Variants in PCSK6 observed in about 807,000 individuals in gnomAD.
PCSK6 encodes the protein paired basic amino acid cleaving enzyme 4.
PCSK6 carries 85 observed loss-of-function variants against 123.3 expected under a neutral mutation model. That is an observed-to-expected ratio of 0.69 (90% confidence interval 0.58 to 0.83). The LOEUF is 0.83. Among genes scored for constraint, PCSK6 ranks in the 40% least tolerant of loss-of-function variants. The pLI, the probability that PCSK6 is intolerant of heterozygous loss-of-function variation, is 0.00. For synonymous variants in PCSK6, 508 were observed against 516.0 expected (o/e 0.98, Z 0.21); for missense variants, 1,191 against 1,282.3 (o/e 0.93, Z 1.09).
At chr15:101,333,765 C>G (rs188717725) in intron 13 of PCSK6, among the ~76,000 whole-genome samples, 1 of 144,008 alleles carries the variant, frequency 6.9e-6, no homozygotes, top group Non-Finnish European at 1.5e-5. Context: ...TACCATAAGC[C>G]CATAGGCTGT....
chr15:101,467,412 C>G (rs11247294), intron 1 of PCSK6, among the ~76,000 whole-genome samples: 1 of 151,604 alleles, frequency 6.6e-6, no homozygotes, highest in Middle Eastern at 3.2e-3. Context: ...GCTGGGACTA[C>G]GAGTGCCCAC....
At chr15:101,384,459 A>T (rs2042002705) in intron 9 of PCSK6, 34 bp from the exon 10 acceptor site, 2 of 1,584,434 alleles carry the variant, frequency 1.3e-6, no homozygotes, top group African/African-American at 1.3e-5. Flanking sequence ...GAGTCCACAC[A>T]GCTCAACAAC....
intron 16 of PCSK6, among the ~76,000 whole-genome samples, chr15:101,325,546 G>T (rs558628210): frequency 6.6e-6 from 1 of 152,348 alleles, no homozygotes; most frequent in African/African-American, 2.4e-5. Context: ...GTGCACCAGT[G>T]GTTGGTGGGT....
rs1295051045 is a variant in PCSK6, at chr15:101,479,347, C to T, written c.297+10027G>A. Among the ~76,000 whole-genome samples, 9 of 152,316 alleles carry T rather than the reference C, an allele frequency of 5.9e-5. No homozygotes were observed. In the South Asian group the frequency reaches 1.2e-3, roughly 21 times the overall value. On this transcript the variant is annotated intron_variant, in intron 1 of 21. Coordinates refer to ENST00000611716, the MANE Select transcript of PCSK6 (RefSeq NM_002570.5). ...CAAAGGCCCGGACTTCATGAAGATG[C>T]GTGTGGTAAAAGTGAAGGGTTCTGG... is the stretch of plus-strand genomic sequence containing the variant.
At chr15:101,442,253 T>C (rs141579602) in intron 2 of PCSK6, among the ~76,000 whole-genome samples, 1 of 152,344 alleles carries the variant, frequency 6.6e-6, no homozygotes, top group East Asian at 1.9e-4. Flanking sequence ...TCCCTTGCTA[T>C]GAAGGAATAA....
rs1442169332 is a variant in PCSK6 at position 101,398,046 on chromosome 15, T to C, written c.996+358A>G. ...CTAAGGGCAGGTGGGCCGAGGCCCC[T>C]GCAGAGTCCAAGTAACAGGCCAGGT... On this transcript the variant is annotated intron_variant, in intron 7 of 21. Coordinates refer to ENST00000611716, the MANE Select transcript of PCSK6 (RefSeq NM_002570.5). This position sits in a 1 kb window ranked among gnomAD's most constrained non-coding sequence, Gnocchi z 4.6. Among the ~76,000 whole-genome samples the C allele has an allele frequency of 6.6e-6, 1 of 152,184 alleles. No homozygotes were observed. Among genetic ancestry groups the C allele is most frequent in the Non-Finnish European group, 1.5e-5 (1 of 68,018 alleles).
chr15:101,395,686 ACTT>A, intron 7 of PCSK6, among the ~76,000 whole-genome samples: 1 of 152,174 alleles, frequency 6.6e-6, no homozygotes, highest in Non-Finnish European at 1.5e-5. Flanking sequence ...ATGAACTTGC[ACTT>A]CTTTTCAGTA....
At chr15:101,385,655 A>G (rs1221893594) in intron 9 of PCSK6, among the ~76,000 whole-genome samples, 1 of 152,258 alleles carries the variant, frequency 6.6e-6, no homozygotes, top group Non-Finnish European at 1.5e-5. Context: ...CACAGAGAAT[A>G]GTATAAAATA....
Position 101,469,990 on chromosome 15 carries a change from C to A in PCSK6, c.297+19384G>T, listed in dbSNP as rs188993326. Reference sequence around the variant, plus strand: ...GATATCAATATGACTGGCAACAACACGCGCTGAGTGCTCACTTCGGGACTG... The same window carrying A: ...GATATCAATATGACTGGCAACAACAAGCGCTGAGTGCTCACTTCGGGACTG... On this transcript the variant is annotated intron_variant, in intron 1 of 21. Coordinates refer to ENST00000611716, the MANE Select transcript of PCSK6 (RefSeq NM_002570.5). Among the ~76,000 whole-genome samples, 3 of 152,286 alleles carry A rather than the reference C, an allele frequency of 2.0e-5. No individual in the cohort carries two copies. In the East Asian group the frequency reaches 5.8e-4, roughly 29 times the overall value.
At chr15:101,481,180 C>G (rs1195403731) in intron 1 of PCSK6, among the ~76,000 whole-genome samples, 1 of 152,212 alleles carries the variant, frequency 6.6e-6, no homozygotes, top group African/African-American at 2.4e-5. Context: ...CAGAAACAGG[C>G]AAGCCAGCAG....
intron 1 of PCSK6, among the ~76,000 whole-genome samples, chr15:101,464,351 C>T (rs1596363097): frequency 6.6e-6 from 1 of 152,170 alleles, no homozygotes; most frequent in Admixed American, 6.5e-5. Flanking sequence ...CATATGTACC[C>T]ACACGTGTGG....
rs766230120 is a variant in PCSK6, at chr15:101,429,974, C to G, written c.734+13G>C. The G allele has an allele frequency of 6.2e-7, 1 of 1,605,558 alleles. No individual in the cohort carries two copies. Among genetic ancestry groups the G allele is most frequent in the Non-Finnish European group, 8.5e-7 (1 of 1,172,338 alleles). ...GGGAAGAGAAGCCGGGGAGATGAGG[C>G]GAGGTGACGTACTTATTTTCATTGC... is the stretch of plus-strand genomic sequence containing the variant. On this transcript the variant is annotated intron_variant, in intron 5 of 21. Transcript: ENST00000611716.
At chr15:101,327,940 CTCA>C (rs1446823564) in intron 15 of PCSK6, among the ~76,000 whole-genome samples, 1 of 152,154 alleles carries the variant, frequency 6.6e-6, no homozygotes, top group African/African-American at 2.4e-5. Flanking sequence ...CCAGATGCCA[CTCA>C]CCATTTCTAA....
intron 12 of PCSK6, among the ~76,000 whole-genome samples, chr15:101,368,331 G>T (rs2041462069): frequency 6.6e-6 from 1 of 152,210 alleles, no homozygotes; most frequent in South Asian, 2.1e-4. Flanking sequence ...GGGTCAGGTA[G>T]CCGGACGTAA....
At chr15:101,377,707 T>C (rs2041792571) in intron 11 of PCSK6, among the ~76,000 whole-genome samples, 1 of 152,208 alleles carries the variant, frequency 6.6e-6, no homozygotes, top group African/African-American at 2.4e-5. Flanking sequence ...GCAGGTGATA[T>C]GCGGCTAATC....
intron 10 of PCSK6, chr15:101,383,998 T>C (rs1401002626): frequency 3.6e-6 from 2 of 557,014 alleles, no homozygotes; most frequent in Non-Finnish European, 4.6e-6. Context: ...ACTTCCCTAG[T>C]AGCTGCGACT....
intron 17 of PCSK6, 97 bp from the exon 18 acceptor site, chr15:101,322,704 G>A (rs1011826926): frequency 6.9e-5 from 53 of 763,282 alleles, no homozygotes; most frequent in East Asian, 5.5e-4. Flanking sequence ...GCGGGGGTGC[G>A]GGTGGGCTGT....
In PCSK6 at chr15:101,351,954, T is replaced by C. The variant is rs538779563; in HGVS notation, c.1858+14242A>G. On this transcript the variant is annotated intron_variant, in intron 13 of 21. Transcript: ENST00000611716. ...AGCACGGCCTCTCATTTACATAATT[T>C]CCATGGCTGTTTTACACTATAATGG... is the stretch of plus-strand genomic sequence containing the variant. Among the ~76,000 whole-genome samples, 24 of 152,164 alleles carry C rather than the reference T, an allele frequency of 1.6e-4. No homozygotes were observed. The South Asian group carries it at 4.8e-3, about 30-fold the overall frequency.
chr15:101,373,567 G>A (rs2041647481), intron 11 of PCSK6, among the ~76,000 whole-genome samples: 1 of 152,096 alleles, frequency 6.6e-6, no homozygotes. Context: ...CCCAATTAGA[G>A]TGCTTTTATT....
Sources: allele counts gnomAD v4.1 joint callset (sites outside exome capture counted in the v4.1 genomes callset), GRCh38; gene constraint gnomAD v4.1.1; non-coding constraint Gnocchi (gnomAD v3.1); transcripts MANE v1.5; gene names NCBI Gene and HGNC (gene_info 2026-07-23, HGNC 2026-07-21).